ZNF366: variants seen among roughly 807,000 people sequenced by gnomAD.
The protein encoded by ZNF366 is zinc finger protein 366.
In ZNF366, 20 loss-of-function variants were observed where a neutral mutation model predicts 47.2. The observed-to-expected ratio is 0.42, with a 90% CI of 0.30 to 0.62. ZNF366 has a LOEUF of 0.62. Among genes scored for constraint, ZNF366 ranks in the 20% least tolerant of loss-of-function variants. The pLI is 0.16. For synonymous variants in ZNF366, 421 were observed against 395.1 expected, an observed-to-expected ratio of 1.07 and a Z score of -0.78; for missense variants, 987 against 976.3, an observed-to-expected ratio of 1.01 and a Z score of -0.15.
At chr5:72,489,254 A>G (rs941076429) in intron 1 of ZNF366, among the ~76,000 whole-genome samples, 1 of 152,208 alleles carries the variant, frequency 6.6e-6, no homozygotes, top group Non-Finnish European at 1.5e-5. Flanking sequence ...CCACAATTTC[A>G]TATTATTTTC....
intron 1 of ZNF366, among the ~76,000 whole-genome samples, chr5:72,467,635 A>G (rs191940093): frequency 5.3e-5 from 8 of 152,328 alleles, no homozygotes; most frequent in African/African-American, 1.9e-4. Flanking sequence ...AAATCTCTTT[A>G]TCTCTCCTCC....
At chr5:72,462,031 A>G (rs1016105868) in intron 1 of ZNF366, among the ~76,000 whole-genome samples, 2 of 152,196 alleles carry the variant, frequency 1.3e-5, no homozygotes, top group African/African-American at 4.8e-5. Flanking sequence ...TAAGGAAACC[A>G]ATTTTCACTG....
chr5:72,440,830 T>C lies in ZNF366; in HGVS notation c.*2926A>G, dbSNP rs1273177482. ...GTTTTAGCATTGGTGCTCAGGTTAA[T>C]GCTGTATTAACCATCAGGTTAGATC... On this transcript the variant is annotated 3_prime_UTR_variant, in exon 5 of 5. Transcript: ENST00000318442. The C allele has an allele frequency of 3.3e-5, 5 of 152,238 alleles. No individual in the cohort carries two copies. The highest frequency in any genetic ancestry group is 7.2e-5 in the African/African-American group (3 of 41,460). 9.4% of individuals were successfully genotyped at this position (152,238 alleles called of 1,614,324 possible).
At chr5:72,487,583 C>T (rs11955665) in intron 1 of ZNF366, among the ~76,000 whole-genome samples, 2 of 151,946 alleles carry the variant, frequency 1.3e-5, no homozygotes, top group African/African-American at 4.8e-5. Context: ...TCTTTGGCTT[C>T]TGGGATACTC....
intron 1 of ZNF366, among the ~76,000 whole-genome samples, chr5:72,483,397 C>T (rs1743827285): frequency 6.6e-6 from 1 of 152,074 alleles, no homozygotes; most frequent in South Asian, 2.1e-4. Context: ...GAGACCTATA[C>T]CCACCACTGT....
intron 3 of ZNF366, among the ~76,000 whole-genome samples, chr5:72,451,478 G>A (rs974269000): frequency 2.0e-5 from 3 of 152,230 alleles, no homozygotes; most frequent in Non-Finnish European, 2.9e-5. Context: ...TCTGTATAAT[G>A]TTGATAATAG....
rs370548030 is a variant in ZNF366 at position 72,460,939 on chromosome 5, G to T, written c.558C>A (p.Phe186Leu). 1.2e-6 allele frequency: 2 copies of T among 1,611,876 alleles called. No homozygotes were observed. Among genetic ancestry groups the T allele is most frequent in the Non-Finnish European group, 1.7e-6 (2 of 1,178,386 alleles). ...GCGAGGACGAGGGCACGAAGAAGGG[G>T]AACATGAGGCCCGGGTGGACTTTGG... ...YYPKVHPGLMFPFFVPSSSPF... is the reference protein window; with the variant it reads ...YYPKVHPGLMLPFFVPSSSPF... The change falls in exon 2 of 5, where the codon TTC becomes TTA. Residue 186 changes from phenylalanine to leucine, a missense_variant. Physicochemically the swap from Phe to Leu is conservative, Grantham distance 22. Around this residue, in one of 3 missense-constraint regions of ZNF366, gnomAD observed 591 missense variants for 560.9 expected, o/e 1.05. Transcript: ENST00000318442.
chr5:72,484,408 C>T (rs1373740364), intron 1 of ZNF366, among the ~76,000 whole-genome samples: 1 of 147,744 alleles, frequency 6.8e-6, no homozygotes, highest in African/African-American at 2.5e-5. Context: ...GGCGTGAACC[C>T]GGGAGGCGGA....
chr5:72,460,669 A>T lies in ZNF366; in HGVS notation c.828T>A (p.Ser276Arg), dbSNP rs896554357. 6.2e-7 allele frequency: 1 copy of T among 1,614,108 alleles called. No individual in the cohort carries two copies. Among genetic ancestry groups the T allele is most frequent in the Non-Finnish European group, 8.5e-7 (1 of 1,180,002 alleles). Residue 276 changes from serine (S) to arginine (R), a missense_variant, in exon 2 of 5, where the codon AGT (serine) becomes AGA (arginine). By Grantham distance (110) the Ser-to-Arg change is moderately radical. Transcript: ENST00000318442. Reference protein sequence around the residue: ...YNLVTHILGHSGIKPHACTHC... With the variant: ...YNLVTHILGHRGIKPHACTHC... ...GCGTGCACGCGTGCGGCTTGATCCC[A>T]CTGTGGCCCAGGATGTGGGTGACCA...
intron 1 of ZNF366, among the ~76,000 whole-genome samples, chr5:72,472,939 A>T (rs907909433): frequency 3.3e-5 from 5 of 151,690 alleles, no homozygotes; most frequent in African/African-American, 1.2e-4. Flanking sequence ...CTTCCTCTCA[A>T]CTCCCACAGA....
Position 72,450,020 on chromosome 5 carries a change from C to A in ZNF366, c.1525-2603G>T, listed in dbSNP as rs115656978. On this transcript the variant is annotated intron_variant, in intron 3 of 4. Coordinates refer to ENST00000318442, the MANE Select transcript of ZNF366 (RefSeq NM_152625.3). ...TGACAAGCACCTTCTGCACTTGGCTCGCATGATGAGAGAAATTCTTTCAGT... is the reference window on the plus strand; with the variant it reads ...TGACAAGCACCTTCTGCACTTGGCTAGCATGATGAGAGAAATTCTTTCAGT... Among the ~76,000 whole-genome samples the A allele has an allele frequency of 1.2e-3, 184 of 152,130 alleles. 1 individual carries two copies. Among genetic ancestry groups the A allele is most frequent in the Non-Finnish European group, 1.8e-3 (119 of 68,000 alleles).
chr5:72,445,755 G>A (rs1007189866), intron 4 of ZNF366, among the ~76,000 whole-genome samples: 10 of 152,300 alleles, frequency 6.6e-5, no homozygotes, highest in Admixed American at 1.3e-4. Context: ...AAACCTCACC[G>A]CTTCCGGAAA....
At chr5:72,483,085 G>A (rs1006668175) in intron 1 of ZNF366, among the ~76,000 whole-genome samples, 1 of 152,134 alleles carries the variant, frequency 6.6e-6, no homozygotes, top group Admixed American at 6.6e-5. Context: ...GTAAAAATGA[G>A]TGCCTGCTGT....
rs562701540 is a variant in ZNF366 at position 72,478,130 on chromosome 5, G to A, written c.-14-16620C>T. Among the ~76,000 whole-genome samples the A allele has an allele frequency of 3.9e-5, 6 of 152,252 alleles. No individual in the cohort carries two copies. The South Asian group carries it at 1.2e-3, about 32-fold the overall frequency. On this transcript the variant is annotated intron_variant, in intron 1 of 4. Coordinates refer to ENST00000318442, the MANE Select transcript of ZNF366 (RefSeq NM_152625.3). ...CTACATAAGCAACCTTCAGGGGAAA[G>A]CCTCCAAGGGCGTCATGGCTCCCAG...
intron 2 of ZNF366, 29 bp downstream of exon 2, chr5:72,460,136 C>A (rs774826682): frequency 1.9e-6 from 3 of 1,603,272 alleles, no homozygotes; most frequent in South Asian, 1.1e-5. Context: ...CCCAAGGCCC[C>A]GTCCGCCCCA....
chr5:72,461,405 G>A lies in ZNF366; in HGVS notation c.92C>T (p.Pro31Leu). Residue 31 changes from proline to leucine, a missense_variant, in exon 2 of 5, where the codon CCA becomes CTA. Around this residue, in one of 3 missense-constraint regions of ZNF366, gnomAD observed 591 missense variants for 560.9 expected, o/e 1.05. Coordinates refer to ENST00000318442, the MANE Select transcript of ZNF366 (RefSeq NM_152625.3). ...GGGAGCCTTTCCCCGAGAAGCCACT[G>A]GCTGCAGGCAGTGGGGAAAGGAGGG... is the stretch of plus-strand genomic sequence containing the variant. ...KTPSFPHCLQ[P>L]VASRGKAPQR... 1 of 1,613,322 alleles carries A rather than the reference G, an allele frequency of 6.2e-7. No individual in the cohort carries two copies. Among genetic ancestry groups the A allele is most frequent in the Non-Finnish European group, 8.5e-7 (1 of 1,179,360 alleles).
At chr5:72,468,655 G>C (rs933815975) in intron 1 of ZNF366, among the ~76,000 whole-genome samples, 4 of 152,216 alleles carry the variant, frequency 2.6e-5, no homozygotes, top group African/African-American at 4.8e-5. Context: ...CTACTAACTT[G>C]CATAGGTTAA....
chr5:72,445,728 C>T (rs559037225), intron 4 of ZNF366, among the ~76,000 whole-genome samples: 88 of 152,272 alleles, frequency 5.8e-4, no homozygotes, highest in Non-Finnish European at 1.2e-3. Flanking sequence ...GTATGTCTCC[C>T]GTCCTGATGA....
rs1426909962 is a variant in ZNF366, at chr5:72,442,498, T to A, written c.*1258A>T. ...CCAGCACTGAAAACACAGTCCAGAG[T>A]CTTCTTTACTAATGATTTGCTGTCA... On this transcript the variant is annotated 3_prime_UTR_variant, in exon 5 of 5. Transcript: ENST00000318442. The A allele has an allele frequency of 6.6e-6, 1 of 151,566 alleles. No homozygotes were observed. Among genetic ancestry groups the A allele is most frequent in the African/African-American group, 2.4e-5 (1 of 41,196 alleles). 9.4% of individuals were successfully genotyped at this position (151,566 alleles called of 1,614,324 possible).
Sources: gnomAD v4.1 joint callset for allele counts (sites outside exome capture counted in the v4.1 genomes callset) on GRCh38, gnomAD v4.1.1 for gene constraint, gnomAD v4.1.1 regional missense constraint, MANE v1.5 for transcripts, NCBI Gene and HGNC (gene_info 2026-07-23, HGNC 2026-07-21) for gene names.